Variants in LRRC66 observed in about 807,000 individuals in gnomAD.
The protein encoded by LRRC66 is leucine-rich repeat-containing protein 66.
Under a neutral mutation model 24.6 loss-of-function variants are expected in LRRC66, and 29 were observed. That is an observed-to-expected ratio of 1.18 (90% CI 0.88 to 1.61). LRRC66 has a LOEUF of 1.61. LRRC66 is among the 40% of genes most tolerant of loss of function. The pLI, the probability that LRRC66 is intolerant of heterozygous loss-of-function variation, is 0.00. For missense variants in LRRC66, 1,124 were observed against 1,058.0 expected (o/e 1.06, Z -0.87); for synonymous variants, 411 against 397.6 (o/e 1.03, Z -0.40).
rs759359169 is a variant in LRRC66, at chr4:51,997,765, A to G, written c.839T>C (p.Ile280Thr). The stretch of plus-strand genomic sequence containing the variant: ...TGACTTACCTATAGACCTGTTGCAA[A>G]TGACATTCCACTTTTTCCTCCAGGA... ...SESWRKKWNVICNRSIGSEEA... is the reference protein window; with the variant it reads ...SESWRKKWNVTCNRSIGSEEA... The change falls in exon 4 of 5, where the codon ATT becomes ACT. Residue 280 changes from isoleucine to threonine, a missense_variant. Ile to Thr is a moderately conservative substitution (Grantham distance 89, BLOSUM62 -1). Transcript: ENST00000682860. 17 of 1,613,850 alleles carry G rather than the reference A, an allele frequency of 1.1e-5. No homozygotes were observed. The highest frequency in any genetic ancestry group is 1.4e-5 in the Non-Finnish European group (17 of 1,179,904).
rs943207826 is a variant in LRRC66, at chr4:51,997,612, C to G, written c.856+136G>C. 4 of 698,374 alleles carry G rather than the reference C, an allele frequency of 5.7e-6. No homozygotes were observed. The African/African-American group carries it at 7.1e-5, about 12-fold the overall frequency. 43.3% of individuals were successfully genotyped at this position (698,374 alleles called of 1,614,324 possible). On this transcript the variant is annotated intron_variant, in intron 4 of 4. Transcript: ENST00000682860. ...TGACACCAATGATTTTTCTATGACA[C>G]AGCCCAAGACTGACTAATGCCAAGG...
chr4:52,014,274 A>G (rs1736762913), intron 2 of LRRC66, among the ~76,000 whole-genome samples: 1 of 152,162 alleles, frequency 6.6e-6, no homozygotes, highest in East Asian at 1.9e-4. Flanking sequence ...AACAAAAAAA[A>G]CCTTGAGATT....
chr4:52,005,540 T>C (rs754312205), intron 2 of LRRC66, among the ~76,000 whole-genome samples: 39 of 150,660 alleles, frequency 2.6e-4, no homozygotes, highest in Non-Finnish European at 5.2e-4. Flanking sequence ...TGAGCCGAGA[T>C]CCATGCCACT....
rs778394103 is a variant in LRRC66, at chr4:52,017,452, T to C, written c.162A>G (p.Ile54Met). The C allele has an allele frequency of 3.1e-6, 5 of 1,613,716 alleles. No individual in the cohort carries two copies. The highest frequency in any genetic ancestry group is 4.2e-6 in the Non-Finnish European group (5 of 1,179,764). Residue 54 changes from isoleucine to methionine, a missense_variant, in exon 2 of 5, where the codon ATA (isoleucine) becomes ATG (methionine). Ile to Met is a conservative substitution (Grantham distance 10). Coordinates refer to ENST00000682860, the MANE Select transcript of LRRC66 (RefSeq NM_001024611.3). The part of the protein sequence containing the change: ...TNCSFTGKCD[I>M]PVDISQTAAT... ...CTGCTGTCTGTGATATGTCCACAGG[T>C]ATATCACACTTTCCGGTAAAAGAAC... is the stretch of plus-strand genomic sequence containing the variant.
At position 51,995,762 on chromosome 4, in the gene LRRC66, A is replaced by C; in HGVS notation, c.1260T>G (p.Tyr420Ter). 4 of 1,614,010 alleles carry C rather than the reference A, an allele frequency of 2.5e-6. No homozygotes were observed. The South Asian group carries it at 4.4e-5, about 18-fold the overall frequency. Residue 420 changes from tyrosine (Y) to a stop codon, truncating the protein, a stop_gained, in exon 5 of 5, where the codon TAT becomes TAG. Transcript: ENST00000682860. LOFTEE classifies it low-confidence loss of function (END_TRUNC). ...TGTCATCGTAGAAGCCCTCGTTTGA[A>C]TACGCGTTGTCCAGGCCAGGGCTTT... ...QSKSPGLDNA[Y>*]SNEGFYDDME...
At position 52,013,416 on chromosome 4, in the gene LRRC66, ATGT is replaced by A. The variant is rs1377705557; in HGVS notation, c.496+3699_496+3701del. 2.0e-5 allele frequency among the ~76,000 whole-genome samples: 3 copies of A among 152,280 alleles called. No homozygotes were observed. The East Asian group carries it at 5.8e-4, about 29-fold the overall frequency. Reference sequence around the variant, plus strand: ...TCAACCTAACTGGAATCCCAACAAGATGTTGTTCCTGCTGCATTTCCAGTTACT... The same window carrying A: ...TCAACCTAACTGGAATCCCAACAAGATGTTCCTGCTGCATTTCCAGTTACT... On this transcript the variant is annotated intron_variant, in intron 2 of 4. Coordinates refer to ENST00000682860, the MANE Select transcript of LRRC66 (RefSeq NM_001024611.3).
chr4:52,016,993 G>A (rs1377418752), intron 2 of LRRC66, 125 bp downstream of exon 2: 5 of 1,033,030 alleles, frequency 4.8e-6, no homozygotes, highest in Non-Finnish European at 7.1e-6. Flanking sequence ...ATTATTATAT[G>A]TGCTCTGATC....
At position 51,995,090 on chromosome 4, in the gene LRRC66, C is replaced by G; in HGVS notation, c.1932G>C (p.Arg644Ser). 1 of 1,614,184 alleles carries G rather than the reference C, an allele frequency of 6.2e-7. No individual in the cohort carries two copies. The highest frequency in any genetic ancestry group is 8.5e-7 in the Non-Finnish European group (1 of 1,180,042). Reference sequence around the variant, plus strand: ...AGTGGGCTGAAAGCGCTTCCTCAGCCCTTGCCCCGGACAGCCTTGGCTGCT... The same window carrying G: ...AGTGGGCTGAAAGCGCTTCCTCAGCGCTTGCCCCGGACAGCCTTGGCTGCT... ...SIQQPRLSGA[R>S]AEEALSAHYS... Residue 644 changes from arginine (R) to serine (S), a missense_variant, in exon 5 of 5, where the codon AGG (arginine) becomes AGC (serine). Arg to Ser is a moderately radical substitution (Grantham distance 110, BLOSUM62 -1). Coordinates refer to ENST00000682860, the MANE Select transcript of LRRC66 (RefSeq NM_001024611.3).
intron 1 of LRRC66, among the ~76,000 whole-genome samples, chr4:52,019,637 A>G (rs1736898765): frequency 6.6e-6 from 1 of 152,200 alleles, no homozygotes; most frequent in African/African-American, 2.4e-5. Flanking sequence ...TTCTTATGCA[A>G]TACTAGAAAT....
At chr4:52,017,682 G>A in intron 1 of LRRC66, 64 bp from the exon 2 acceptor site, 1 of 1,410,648 alleles carries the variant, frequency 7.1e-7, no homozygotes, top group South Asian at 1.7e-5. Context: ...GCAATAAGCA[G>A]CAAATTTAAT....
Position 51,996,873 on chromosome 4 carries a change from T to C in LRRC66, c.857-708A>G, listed in dbSNP as rs570370146. Among the ~76,000 whole-genome samples the C allele has an allele frequency of 2.5e-4, 38 of 152,328 alleles. No homozygotes were observed. The South Asian group carries it at 4.8e-3, about 19-fold the overall frequency. Reference sequence around the variant, plus strand: ...CCTTTCTCCATAATCTTACCGACTCTGTGTGCTGTTAAACAGCAAAAATAT... The same window carrying C: ...CCTTTCTCCATAATCTTACCGACTCCGTGTGCTGTTAAACAGCAAAAATAT... On this transcript the variant is annotated intron_variant, in intron 4 of 4. Coordinates refer to ENST00000682860, the MANE Select transcript of LRRC66 (RefSeq NM_001024611.3).
chr4:52,018,663 A>C, intron 1 of LRRC66: 1 of 920,164 alleles, frequency 1.1e-6, no homozygotes, highest in Non-Finnish European at 1.3e-6. Flanking sequence ...TTATTCCTTC[A>C]TTTGAAATCC....
At position 51,997,870 on chromosome 4, in the gene LRRC66, G is replaced by C. The variant is rs759490767; in HGVS notation, c.734C>G (p.Pro245Arg). ...LPMMIIALEF[P>R]HLVVDLADNN... ...ATCAGCCAAGTCAACCACTAGATGGGGAAATTCTAGAGCTATGATCATCAT... is the reference window on the plus strand; with the variant it reads ...ATCAGCCAAGTCAACCACTAGATGGCGAAATTCTAGAGCTATGATCATCAT... Residue 245 changes from proline to arginine, a missense_variant, in exon 4 of 5, where the codon CCC becomes CGC. Physicochemically the swap from Pro to Arg is moderately radical, Grantham distance 103. Transcript: ENST00000682860. The C allele has an allele frequency of 6.2e-7, 1 of 1,613,996 alleles. No homozygotes were observed. Among genetic ancestry groups the C allele is most frequent in the Non-Finnish European group, 8.5e-7 (1 of 1,179,956 alleles).
rs1222957722 is a variant in LRRC66, at chr4:51,994,253, T to G, written c.*126A>C. The G allele has an allele frequency of 4.5e-6, 4 of 882,676 alleles. No homozygotes were observed. The African/African-American group carries it at 6.8e-5, about 15-fold the overall frequency. 54.7% of individuals were successfully genotyped at this position (882,676 alleles called of 1,614,324 possible). A position where few individuals can be genotyped will look rare whatever the true frequency, so the allele number is the denominator to read the frequency against. The stretch of plus-strand genomic sequence containing the variant: ...CCCACAAAACCCTCATTTGCATCAG[T>G]GTCCACTTGGTTGGAATTCATGTTG... On this transcript the variant is annotated 3_prime_UTR_variant, in exon 5 of 5. Transcript: ENST00000682860.
At chr4:51,997,696 G>T (rs1397237915) in intron 4 of LRRC66, 52 bp downstream of exon 4, 17 of 1,489,184 alleles carry the variant, frequency 1.1e-5, no homozygotes, top group Non-Finnish European at 1.6e-5. Flanking sequence ...AAATGTCTAT[G>T]TGCATTTTTC....
intron 2 of LRRC66, among the ~76,000 whole-genome samples, chr4:52,003,815 A>C (rs773870797): frequency 2.0e-5 from 3 of 152,230 alleles, no homozygotes; most frequent in Non-Finnish European, 4.4e-5. Flanking sequence ...TCTTTCTTTC[A>C]ATGAGCATGT....
Position 51,995,751 on chromosome 4 carries a change from C to T in LRRC66, c.1271G>A (p.Gly424Asp), listed in dbSNP as rs768587183. 4 of 1,614,086 alleles carry T rather than the reference C, an allele frequency of 2.5e-6. No homozygotes were observed. In the East Asian group the frequency reaches 6.7e-5, roughly 27 times the overall value. The change falls in exon 5 of 5, where the codon GGC (glycine) becomes GAC (aspartate). Residue 424 changes from glycine to aspartate, a missense_variant. By Grantham distance (94) the Gly-to-Asp change is moderately conservative. Transcript: ENST00000682860. ...PGLDNAYSNE[G>D]FYDDMEAAGH... is the part of the protein sequence containing the mutation. ...CGCAGCTTCCATGTCATCGTAGAAG[C>T]CCTCGTTTGAATACGCGTTGTCCAG...
At chr4:52,017,878 C>T in intron 1 of LRRC66, 1 of 985,374 alleles carries the variant, frequency 1.0e-6, no homozygotes, top group Non-Finnish European at 1.2e-6. Context: ...TCAGTTAGGC[C>T]TCACCTCTGC....
intron 2 of LRRC66, among the ~76,000 whole-genome samples, chr4:52,009,580 C>A (rs749238389): frequency 3.3e-5 from 5 of 151,972 alleles, no homozygotes; most frequent in Admixed American, 1.3e-4. Flanking sequence ...TCTATAGATA[C>A]TAAAAGGATA....
Sources: allele counts gnomAD v4.1 joint callset (sites outside exome capture counted in the v4.1 genomes callset), GRCh38; gene constraint gnomAD v4.1.1; transcripts MANE v1.5; gene names NCBI Gene and HGNC (gene_info 2026-07-23, HGNC 2026-07-21).